The following PGM3 variants were observed in gnomAD, a reference collection of about 807,000 sequenced individuals.
The protein encoded by PGM3 is phosphoglucomutase 3.
A neutral mutation model predicts 66.2 loss-of-function variants in PGM3; 40 were observed. The ratio of observed to expected loss-of-function variants is 0.60; its 90% CI spans 0.47 to 0.79. PGM3 has a LOEUF of 0.79. PGM3 is among the 30% of genes least tolerant of loss of function. PGM3 has a pLI of 0.00. For synonymous variants in PGM3, 191 were observed against 224.2 expected, an observed-to-expected ratio of 0.85 and a Z score of 1.32; for missense variants, 537 against 643.4, an observed-to-expected ratio of 0.83 and a Z score of 1.79.
chr6:83,183,046 C>A, intron 4 of PGM3, 68 bp from the exon 5 acceptor site: 1 of 1,422,986 alleles, frequency 7.0e-7, no homozygotes, highest in South Asian at 1.3e-5. Context: ...TAAATGCATT[C>A]ATGTGTAGGA....
At chr6:83,173,687 T>TCCAA (rs1198839433) in intron 10 of PGM3, among the ~76,000 whole-genome samples, 6 of 152,128 alleles carry the variant, frequency 3.9e-5, no homozygotes, top group Admixed American at 3.3e-4. Flanking sequence ...CAAACGACAC[T>TCCAA]CCAACCCCAA....
the PGM3 span, chr6:83,153,829 TG>T: frequency 6.7e-7 from 1 of 1,498,160 alleles, no homozygotes; most frequent in South Asian, 1.3e-5. Context: ...TGAACATTTA[TG>T]TATAACTTGA....
downstream of PGM3, chr6:83,164,798 C>T (rs1055869712): frequency 9.4e-6 from 11 of 1,173,306 alleles, no homozygotes; most frequent in Non-Finnish European, 1.2e-5. Flanking sequence ...GTCTGAATGT[C>T]AACAAGTACA....
At chr6:83,173,077 G>A (rs1270438594) in intron 10 of PGM3, among the ~76,000 whole-genome samples, 2 of 152,158 alleles carry the variant, frequency 1.3e-5, no homozygotes, top group East Asian at 3.8e-4. Context: ...CGACTTGAGT[G>A]CCATACCCAA....
chr6:83,158,329 G>A (rs1379808754), downstream of PGM3, among the ~76,000 whole-genome samples: 1 of 152,008 alleles, frequency 6.6e-6, no homozygotes, highest in African/African-American at 2.4e-5. Context: ...AACTAACTCT[G>A]TTCCATAATC....
chr6:83,177,351 T>G (rs1289837287), intron 8 of PGM3, among the ~76,000 whole-genome samples: 1 of 152,052 alleles, frequency 6.6e-6, no homozygotes, highest in Non-Finnish European at 1.5e-5. Flanking sequence ...CTGGTAACTC[T>G]CCGAGCAAGT....
At chr6:83,149,668 G>A in the PGM3 span, among the ~76,000 whole-genome samples, 1 of 152,142 alleles carries the variant, frequency 6.6e-6, no homozygotes, top group African/African-American at 2.4e-5. Context: ...GTTAGTAGTA[G>A]TAGGCTAGAT....
At chr6:83,148,987 G>C in the PGM3 span, 1 of 539,154 alleles carries the variant, frequency 1.9e-6, no homozygotes, top group Non-Finnish European at 3.0e-6. Context: ...GTGTTCTTGA[G>C]ATGCAAAACT....
chr6:83,182,730 ATGCAGCATCTT>A, intron 5 of PGM3, 104 bp downstream of exon 5: 2 of 944,312 alleles, frequency 2.1e-6, no homozygotes, highest in Non-Finnish European at 3.3e-6. Context: ...AAAAGGAGAT[ATGCAGCATCTT>A]TGGAAAAGGA....
chr6:83,181,539 G>A (rs761835966), intron 6 of PGM3, among the ~76,000 whole-genome samples, 197 bp downstream of exon 6: 2 of 152,172 alleles, frequency 1.3e-5, no homozygotes, highest in African/African-American at 2.4e-5. Flanking sequence ...AGACTATGAG[G>A]AATGGTGTGA....
At chr6:83,178,356 T>C (rs561247798) in intron 8 of PGM3, among the ~76,000 whole-genome samples, 4 of 152,322 alleles carry the variant, frequency 2.6e-5, no homozygotes, top group East Asian at 1.9e-4. Context: ...TTGGTGACTC[T>C]AGGCCCTTAA....
rs1360385680 is a variant in PGM3 at position 83,181,807 on chromosome 6, T to C, written c.716A>G (p.Asp239Gly). 1 of 1,614,062 alleles carries C rather than the reference T, an allele frequency of 6.2e-7. No homozygotes were observed. The highest frequency in any genetic ancestry group is 1.7e-5 in the Admixed American group (1 of 60,006). ...SQGLSVQLFN[D>G]GSKGKLNHLC... Reference sequence around the variant, plus strand: ...ATGATTGAGTTTGCCCTTGGACCCATCATTAAACAGCTGAACTGACAGGCC... The same window carrying C: ...ATGATTGAGTTTGCCCTTGGACCCACCATTAAACAGCTGAACTGACAGGCC... Residue 239 changes from aspartate to glycine, a missense_variant, in exon 6 of 13, where the codon GAT (aspartate) becomes GGT (glycine). Asp to Gly is a moderately conservative substitution (Grantham distance 94). Coordinates refer to ENST00000513973, the MANE Select transcript of PGM3 (RefSeq NM_015599.3).
At chr6:83,173,291 T>C (rs1583261178) in intron 10 of PGM3, among the ~76,000 whole-genome samples, 1 of 146,764 alleles carries the variant, frequency 6.8e-6, no homozygotes, top group South Asian at 2.2e-4. Flanking sequence ...CAATGAAAGG[T>C]ATAACAAAGA....
chr6:83,172,814 A>ATACT (rs1583258872), intron 10 of PGM3, among the ~76,000 whole-genome samples: 1 of 152,234 alleles, frequency 6.6e-6, no homozygotes, highest in East Asian at 1.9e-4. Flanking sequence ...TACTATTAAA[A>ATACT]TACTTGTGTG....
chr6:83,171,847 A>C (rs1787215326), intron 11 of PGM3, 90 bp downstream of exon 11: 1 of 1,021,714 alleles, frequency 9.8e-7, no homozygotes, highest in Non-Finnish European at 1.5e-6. Flanking sequence ...TGAAATAGGA[A>C]ACATATGTCA....
chr6:83,159,864 A>G (rs748928432), downstream of PGM3: 14 of 1,614,004 alleles, frequency 8.7e-6, no homozygotes, highest in African/African-American at 1.3e-5. Context: ...TCTACTTCAT[A>G]TAACAGCCAG....
rs767443558 is a variant in PGM3, at chr6:83,168,157, TA to T, written c.*1076del. 1 of 1,611,670 alleles carries T rather than the reference TA, an allele frequency of 6.2e-7. No homozygotes were observed. Among genetic ancestry groups the T allele is most frequent in the African/African-American group, 1.3e-5 (1 of 74,660 alleles). Reference sequence around the variant, plus strand: ...GAAAAAGATTTTCTGGAAGGGATGATAAAAACTTGAGCACCATTGCTGGTTC... The same window carrying T: ...GAAAAAGATTTTCTGGAAGGGATGATAAAACTTGAGCACCATTGCTGGTTC... On this transcript the variant is annotated 3_prime_UTR_variant, in exon 13 of 13. Coordinates refer to ENST00000513973, the MANE Select transcript of PGM3 (RefSeq NM_015599.3).
rs764980780 is a variant in PGM3 at position 83,170,335 on chromosome 6, G to T, written c.1509C>A (p.Val503=). 8 of 1,614,090 alleles carry T rather than the reference G, an allele frequency of 5.0e-6. No homozygotes were observed. Among genetic ancestry groups the T allele is most frequent in the South Asian group, 1.1e-5 (1 of 91,078 alleles). Residue 503 remains valine (V), a synonymous_variant, in exon 12 of 13, where the codon GTC becomes GTA. Transcript: ENST00000513973. ...AGTCTGCTTCTGCATATACTCGGAC[G>T]ACATCTTCTGTACCAGAGGGCCGGA... ...AFVRPSGTED[V]VRVYAEADSQ...
At position 83,181,930 on chromosome 6, in the gene PGM3, G is replaced by C; in HGVS notation, c.593C>G (p.Ala198Gly). The change falls in exon 6 of 13, where the codon GCT (alanine) becomes GGT (glycine). Residue 198 changes from alanine (A) to glycine (G), a missense_variant and splice_region_variant. Coordinates refer to ENST00000513973, the MANE Select transcript of PGM3 (RefSeq NM_015599.3). ...TCTGTATTCATCTCCACTGCAAGAA[G>C]CCTACAAAGGAAAAAGACACATGGA... ...SKAFVELTKQ[A>G]SCSGDEYRSL... 6.4e-7 allele frequency: 1 copy of C among 1,573,880 alleles called. No individual in the cohort carries two copies. Among genetic ancestry groups the C allele is most frequent in the Admixed American group, 2.1e-5 (1 of 48,410 alleles).
Sources: allele counts gnomAD v4.1 joint callset (sites outside exome capture counted in the v4.1 genomes callset), GRCh38; gene constraint gnomAD v4.1.1; transcripts MANE v1.5; gene names NCBI Gene and HGNC (gene_info 2026-07-23, HGNC 2026-07-21).